The following CSMD1 variants were observed in gnomAD, a reference collection of about 807,000 sequenced individuals.
CSMD1 encodes the protein CUB and sushi domain-containing protein 1.
Under a neutral mutation model 417.5 loss-of-function variants are expected in CSMD1, and 213 were observed. That is an observed-to-expected ratio of 0.51 (90% CI 0.46 to 0.57). The LOEUF is 0.57. Ranked by LOEUF, CSMD1 falls within the 20% of genes least tolerant of loss-of-function variation. CSMD1 has a pLI of 0.00. For synonymous variants in CSMD1, 2,862 were observed against 1,736.8 expected (o/e 1.65, Z -16.11); for missense variants, 6,923 against 4,529.7 (o/e 1.53, Z -15.17).
chr8:3,917,230 T>C (rs920588536), intron 5 of CSMD1, among the ~76,000 whole-genome samples: 2 of 152,164 alleles, frequency 1.3e-5, no homozygotes, highest in African/African-American at 4.8e-5. Flanking sequence ...TTTCCTGTGG[T>C]TGAAATGCAA....
intron 3 of CSMD1, among the ~76,000 whole-genome samples, chr8:4,207,836 C>T (rs1165986238): frequency 6.6e-6 from 1 of 152,014 alleles, no homozygotes; most frequent in Non-Finnish European, 1.5e-5. Context: ...CAACCTCAGC[C>T]CTGGTGATGT....
chr8:4,667,179 G>C (rs749000644), intron 1 of CSMD1, among the ~76,000 whole-genome samples: 1 of 152,156 alleles, frequency 6.6e-6, no homozygotes, highest in Non-Finnish European at 1.5e-5. Flanking sequence ...AGGCCTATTT[G>C]TGGACTCTAT....
chr8:3,682,466 G>C (rs1197464847), intron 7 of CSMD1, among the ~76,000 whole-genome samples: 1 of 152,174 alleles, frequency 6.6e-6, no homozygotes, highest in Non-Finnish European at 1.5e-5. Flanking sequence ...GGCCATCAGA[G>C]AAATGCAAAT....
intron 1 of CSMD1, among the ~76,000 whole-genome samples, chr8:4,775,173 C>T (rs1303908386): frequency 1.3e-5 from 2 of 152,112 alleles, no homozygotes; most frequent in Non-Finnish European, 2.9e-5. Flanking sequence ...CTAATATTCT[C>T]AACATCAACT....
At position 3,272,518 on chromosome 8, in the gene CSMD1, G is replaced by C. The variant is rs184704254; in HGVS notation, c.4153+11626C>G. 6.2e-4 allele frequency among the ~76,000 whole-genome samples: 87 copies of C among 141,332 alleles called. 2 individuals are homozygous for C. Among genetic ancestry groups the C allele is most frequent in the African/African-American group, 2.2e-3 (82 of 37,598 alleles). The allele number at this position is 141,332 out of a possible 152,430, so 92.7% of individuals were successfully genotyped here. On this transcript the variant is annotated intron_variant, in intron 26 of 69. Transcript: ENST00000635120. ...TGGCATTGAATCTGTAAATTACTTT[G>C]GGCAGTATGGCCATTTTCACGATAT...
At chr8:4,933,423 G>A (rs943227108) in intron 1 of CSMD1, among the ~76,000 whole-genome samples, 1 of 152,148 alleles carries the variant, frequency 6.6e-6, no homozygotes, top group African/African-American at 2.4e-5. Context: ...CATATTTTGG[G>A]TCTTTGTGTC....
intron 2 of CSMD1, among the ~76,000 whole-genome samples, chr8:4,634,011 C>A (rs925102304): frequency 1.8e-4 from 23 of 129,956 alleles, no homozygotes; most frequent in African/African-American, 4.2e-4. Context: ...AAAAAAAAAA[C>A]AATGAAGAGA....
At chr8:4,513,544 C>G (rs1167780225) in intron 2 of CSMD1, among the ~76,000 whole-genome samples, 1 of 152,126 alleles carries the variant, frequency 6.6e-6, no homozygotes, top group African/African-American at 2.4e-5. Flanking sequence ...TTCATGAAAT[C>G]TTCTAGAGAA....
intron 23 of CSMD1, among the ~76,000 whole-genome samples, chr8:3,336,664 C>T (rs532493985): frequency 1.3e-5 from 2 of 152,250 alleles, no homozygotes; most frequent in East Asian, 1.9e-4. Context: ...AGCCCTGTGC[C>T]CCCATCCAGA....
chr8:4,367,050 T>C (rs1273424664), intron 3 of CSMD1, among the ~76,000 whole-genome samples: 2 of 152,218 alleles, frequency 1.3e-5, no homozygotes, highest in African/African-American at 4.8e-5. Context: ...CTTAGTTTAA[T>C]AGGTCCCACT....
chr8:4,535,410 T>G (rs1286454373), intron 2 of CSMD1, among the ~76,000 whole-genome samples: 1 of 152,182 alleles, frequency 6.6e-6, no homozygotes, highest in Admixed American at 6.5e-5. Flanking sequence ...GGATGAACAA[T>G]AGAATTCATT....
intron 1 of CSMD1, among the ~76,000 whole-genome samples, chr8:4,717,275 G>C (rs1198591470): frequency 2.7e-5 from 4 of 145,850 alleles, no homozygotes; most frequent in Non-Finnish European, 5.9e-5. Flanking sequence ...CCTCAAAGAA[G>C]CATCTCTGAC....
At chr8:4,786,002 A>C (rs1347324092) in intron 1 of CSMD1, among the ~76,000 whole-genome samples, 2 of 152,198 alleles carry the variant, frequency 1.3e-5, no homozygotes, top group South Asian at 2.1e-4. Flanking sequence ...AGTGCAGCTT[A>C]CCCAGCAGTG....
At chr8:4,459,382 G>A (rs894874474) in intron 2 of CSMD1, among the ~76,000 whole-genome samples, 5 of 152,222 alleles carry the variant, frequency 3.3e-5, no homozygotes, top group East Asian at 3.9e-4. Context: ...CATGAAACAA[G>A]AATGTCAGTC....
At position 4,200,255 on chromosome 8, in the gene CSMD1, C is replaced by T. The variant is rs1400000239; in HGVS notation, c.416-168156G>A. ...CAAAACAATTCCTCTATTCAATACA[C>T]TGATGATAATTACCTTTTTTCAGAG... is the stretch of plus-strand genomic sequence containing the variant. On this transcript the variant is annotated intron_variant, in intron 3 of 69. Transcript: ENST00000635120. 3.9e-5 allele frequency among the ~76,000 whole-genome samples: 6 copies of T among 152,120 alleles called. No homozygotes were observed. The East Asian group carries it at 9.6e-4, about 24-fold the overall frequency.
chr8:4,210,519 T>G lies in CSMD1; in HGVS notation c.416-178420A>C, dbSNP rs118121240. Among the ~76,000 whole-genome samples, 168 of 152,330 alleles carry G rather than the reference T, an allele frequency of 1.1e-3. 2 individuals are homozygous for G. The South Asian group carries it at 0.015, about 14-fold the overall frequency. ...AATTTTCTTCTCTTATATCTTAGTGTGAAATTGGTTCATCTTTGACTTTTA... is the reference window on the plus strand; with the variant it reads ...AATTTTCTTCTCTTATATCTTAGTGGGAAATTGGTTCATCTTTGACTTTTA... On this transcript the variant is annotated intron_variant, in intron 3 of 69. Coordinates refer to ENST00000635120, the MANE Select transcript of CSMD1 (RefSeq NM_033225.6).
At chr8:4,755,748 A>G (rs1563302925) in intron 1 of CSMD1, among the ~76,000 whole-genome samples, 1 of 152,282 alleles carries the variant, frequency 6.6e-6, no homozygotes, top group East Asian at 1.9e-4. Context: ...TTACATATTC[A>G]TTGCTTTTTG....
chr8:3,610,790 T>A (rs1319562241), intron 8 of CSMD1, among the ~76,000 whole-genome samples: 1 of 152,058 alleles, frequency 6.6e-6, no homozygotes, highest in Non-Finnish European at 1.5e-5. Context: ...GCCCCACAGA[T>A]GCCTGGAAAG....
intron 7 of CSMD1, among the ~76,000 whole-genome samples, chr8:3,693,789 G>T (rs1432280185): frequency 6.6e-6 from 1 of 151,766 alleles, no homozygotes; most frequent in Non-Finnish European, 1.5e-5. Context: ...ATAGATGTGT[G>T]TTGGCGTCGT....
Sources: gnomAD v4.1 joint callset for allele counts (sites outside exome capture counted in the v4.1 genomes callset) on GRCh38, gnomAD v4.1.1 for gene constraint, MANE v1.5 for transcripts, NCBI Gene and HGNC (gene_info 2026-07-23, HGNC 2026-07-21) for gene names.